Variants in PFKFB3 observed in about 807,000 individuals in gnomAD.
PFKFB3 encodes the protein 6-phosphofructo-2-kinase/fructose-2,6-bisphosphatase 3.
Under a neutral mutation model 68.0 loss-of-function variants are expected in PFKFB3, and 33 were observed. The observed-to-expected ratio is 0.49, with a 90% CI of 0.37 to 0.65. The LOEUF is 0.65. PFKFB3 is among the 30% of genes least tolerant of loss of function. The pLI is 0.00. For missense variants in PFKFB3, 586 were observed against 712.2 expected, an observed-to-expected ratio of 0.82 and a Z score of 2.02; for synonymous variants, 315 against 288.2, an observed-to-expected ratio of 1.09 and a Z score of -0.94.
upstream of PFKFB3, among the ~76,000 whole-genome samples, chr10:6,198,773 A>G (rs73615803): frequency 0.031 from 4,723 of 152,288 alleles, 215 homozygotes; most frequent in African/African-American, 0.1. Flanking sequence ...GTGAGCCACC[A>G]CACCTGGCCT....
At chr10:6,260,231 T>TG in the PFKFB3 span, among the ~76,000 whole-genome samples, 6 of 151,876 alleles carry the variant, frequency 4.0e-5, no homozygotes, top group African/African-American at 1.4e-4. Context: ...GGCTAACACG[T>TG]GAAACCCCGT....
chr10:6,241,590 G>C (rs1015904117), intron 14 of PFKFB3, among the ~76,000 whole-genome samples: 9 of 152,166 alleles, frequency 5.9e-5, no homozygotes, highest in African/African-American at 1.9e-4. Flanking sequence ...TCAGTGCTTT[G>C]GGAGGCCAAG....
intron 1 of PFKFB3, among the ~76,000 whole-genome samples, chr10:6,178,761 G>A (rs944703210): frequency 2.0e-5 from 3 of 152,240 alleles, no homozygotes; most frequent in Non-Finnish European, 4.4e-5. Context: ...GGACTGGGGG[G>A]GATTTGAAGG....
chr10:6,146,628 A>G (rs7074372), intron 1 of PFKFB3: 564,677 of 895,214 alleles, frequency 0.63, 180,742 homozygotes, highest in African/African-American at 0.73. Flanking sequence ...TTGTCGATGT[A>G]GGCTCTGGTT....
intron 1 of PFKFB3, among the ~76,000 whole-genome samples, chr10:6,173,911 C>T (rs1012656416): frequency 2.0e-5 from 3 of 152,042 alleles, no homozygotes; most frequent in African/African-American, 7.2e-5. Flanking sequence ...GCAGTGGACG[C>T]AAACGGGAGG....
chr10:6,189,639 C>T (rs999102088), intron 1 of PFKFB3, among the ~76,000 whole-genome samples: 29 of 151,828 alleles, frequency 1.9e-4, no homozygotes, highest in African/African-American at 7.0e-4. Flanking sequence ...CTCAGCCTCC[C>T]GAGTAGCTGG....
At chr10:6,254,189 T>G in exon 15 of PFKFB3, 1 of 393,688 alleles carries the variant, frequency 2.5e-6, no homozygotes, top group Non-Finnish European at 4.4e-6. Context: ...AGTTAAAGAG[T>G]GGAATTCCTG....
chr10:6,320,428 A>G, the PFKFB3 span, among the ~76,000 whole-genome samples: 4 of 151,902 alleles, frequency 2.6e-5, no homozygotes, highest in Non-Finnish European at 4.4e-5. Context: ...GCAGTGGCTC[A>G]TGGATGTCAT....
chr10:6,151,545 A>C (rs1841586940), intron 1 of PFKFB3, among the ~76,000 whole-genome samples: 1 of 152,030 alleles, frequency 6.6e-6, no homozygotes, highest in Admixed American at 6.6e-5. Context: ...GTGCTTTCTT[A>C]GGGTGGAGTT....
At chr10:6,197,731 A>T (rs1843212745) in intron 1 of PFKFB3, 1 of 152,056 alleles carries the variant, frequency 6.6e-6, no homozygotes, top group Non-Finnish European at 1.5e-5. Flanking sequence ...GTAGACTGGG[A>T]AGGAGGAAGA....
rs747448805 is a variant in PFKFB3, at chr10:6,232,938, A to G, written c.1559A>G (p.His520Arg). 16 of 1,611,428 alleles carry G rather than the reference A, an allele frequency of 9.9e-6. No individual in the cohort carries two copies. The highest frequency in any genetic ancestry group is 1.3e-5 in the Non-Finnish European group (15 of 1,177,842). The change falls in exon 15 of 15, where the codon CAC (histidine) becomes CGC (arginine). Residue 520 changes from histidine to arginine, a missense_variant. Transcript: ENST00000379775. ...AGCAGCGCTGACTCCTCCAGGAAAC[A>G]CTGAGGCAGACGTGTCGGTTCCATT... The part of the protein sequence containing the change: ...SRSSADSSRK[H>R]
In PFKFB3 at chr10:6,242,292, A is replaced by G. The variant is rs113464438; in HGVS notation, c.1516-11886A>G. 6.8e-3 allele frequency among the ~76,000 whole-genome samples: 1,032 copies of G among 152,280 alleles called. 9 individuals are homozygous for G. Among genetic ancestry groups the G allele is most frequent in the Middle Eastern group, 0.044 (13 of 294 alleles). On this transcript the variant is annotated intron_variant, in intron 14 of 14. Coordinates refer to the PFKFB3 transcript ENST00000640683. ...CTCATGATCATTCCTTTGTAGATGAATTCTTAAGTCTCTGAACTAAGTCTC... is the reference window on the plus strand; with the variant it reads ...CTCATGATCATTCCTTTGTAGATGAGTTCTTAAGTCTCTGAACTAAGTCTC...
chr10:6,321,324 C>T, the PFKFB3 span, among the ~76,000 whole-genome samples: 12 of 152,022 alleles, frequency 7.9e-5, no homozygotes, highest in African/African-American at 2.7e-4. Context: ...CCTTGTCATG[C>T]CCATTCTCTG....
intron 1 of PFKFB3, among the ~76,000 whole-genome samples, chr10:6,168,780 C>T (rs906187690): frequency 2.0e-5 from 3 of 152,188 alleles, no homozygotes; most frequent in Admixed American, 1.3e-4. Flanking sequence ...CCCTTACATT[C>T]AGGCCTGGGG....
the PFKFB3 span, among the ~76,000 whole-genome samples, chr10:6,272,944 C>T: frequency 6.6e-6 from 1 of 151,274 alleles, no homozygotes; most frequent in East Asian, 1.9e-4. Flanking sequence ...AAAATACTTC[C>T]CATTCTCCTA....
chr10:6,200,689 T>TGGGGGGGGGG (rs1843318460), upstream of PFKFB3, among the ~76,000 whole-genome samples: 1 of 4,866 alleles, frequency 2.1e-4, no homozygotes, highest in African/African-American at 6.3e-4. Flanking sequence ...GGGGTGGTGG[T>TGGGGGGGGGG]GGGGCGGGGA....
intron 1 of PFKFB3, among the ~76,000 whole-genome samples, chr10:6,166,618 G>A (rs1842147284): frequency 1.3e-5 from 2 of 152,184 alleles, no homozygotes; most frequent in South Asian, 4.1e-4. Context: ...AGAATGCCAG[G>A]GCTTCTCTCA....
At chr10:6,268,387 C>T in the PFKFB3 span, among the ~76,000 whole-genome samples, 9 of 152,036 alleles carry the variant, frequency 5.9e-5, no homozygotes, top group Admixed American at 1.3e-4. Flanking sequence ...CACGGTGGCT[C>T]ATGCCTGTAA....
intron 1 of PFKFB3, among the ~76,000 whole-genome samples, chr10:6,164,170 G>T (rs1310725227): frequency 1.3e-5 from 2 of 152,086 alleles, no homozygotes; most frequent in East Asian, 3.9e-4. Context: ...GAAGTGGGCG[G>T]CCCACCCCAC....
Sources: gnomAD v4.1 joint callset for allele counts (sites outside exome capture counted in the v4.1 genomes callset) on GRCh38, gnomAD v4.1.1 for gene constraint, MANE v1.5 for transcripts, NCBI Gene and HGNC (gene_info 2026-07-23, HGNC 2026-07-21) for gene names.